CRY2: variants seen among roughly 807,000 people sequenced by gnomAD.
CRY2 encodes cryptochrome circadian regulator 2.
CRY2 carries 31 observed loss-of-function variants against 69.5 expected under a neutral mutation model. The ratio of observed to expected loss-of-function variants is 0.45; its 90% CI spans 0.34 to 0.60. The LOEUF (loss-of-function observed/expected upper bound fraction) is 0.60. Among genes scored for constraint, CRY2 ranks in the 20% least tolerant of loss-of-function variants. CRY2 has a pLI of 0.02. For missense variants in CRY2, 606 were observed against 797.8 expected, an observed-to-expected ratio of 0.76 and a Z score of 2.90; for synonymous variants, 303 against 312.2, an observed-to-expected ratio of 0.97 and a Z score of 0.31.
At chr11:45,853,675 T>C (rs1374737307) in intron 1 of CRY2, among the ~76,000 whole-genome samples, 3 of 152,174 alleles carry the variant, frequency 2.0e-5, no homozygotes, top group East Asian at 3.8e-4. Flanking sequence ...GAAATTTAAA[T>C]CACTGCTCCT....
chr11:45,878,920 TAAAAAAAAAAAAAAAA>T (rs57461093), intron 11 of CRY2, among the ~76,000 whole-genome samples: 2 of 49,362 alleles, frequency 4.1e-5, no homozygotes, highest in African/African-American at 2.2e-4. Context: ...CTCCATCTAT[TAAAAAAAAAAAAAAAA>T]AAAAAAAAAA....
intron 5 of CRY2, among the ~76,000 whole-genome samples, chr11:45,867,202 G>A (rs750891205): frequency 5.3e-5 from 8 of 152,166 alleles, no homozygotes; most frequent in Non-Finnish European, 7.3e-5. Flanking sequence ...CCTCAGGGCC[G>A]CTAGTGACTA....
In CRY2 at chr11:45,882,763, G is replaced by C. The variant is rs1047986452; in HGVS notation, c.*1852G>C. On this transcript the variant is annotated 3_prime_UTR_variant, in exon 12 of 12. Coordinates refer to ENST00000616080, the MANE Select transcript of CRY2 (RefSeq NM_021117.5). The stretch of plus-strand genomic sequence containing the variant: ...CAAGCAAACCTGGAAGGGCAAATCT[G>C]AGAGTGGGAAGGCCAAAGGCCGAGG... 1.5e-5 allele frequency: 6 copies of C among 398,562 alleles called. No homozygotes were observed. Among genetic ancestry groups the C allele is most frequent in the Admixed American group, 4.4e-5 (1 of 22,722 alleles). 24.7% of individuals were successfully genotyped at this position (398,562 alleles called of 1,614,324 possible).
Position 45,882,787 on chromosome 11 carries a change from G to A in CRY2, c.*1876G>A. On this transcript the variant is annotated 3_prime_UTR_variant, in exon 12 of 12. Coordinates refer to ENST00000616080, the MANE Select transcript of CRY2 (RefSeq NM_021117.5). The stretch of plus-strand genomic sequence containing the variant: ...TGAGAGTGGGAAGGCCAAAGGCCGA[G>A]GCCCAGATTTAGTATTCACTAGCAG... 9 of 398,636 alleles carry A rather than the reference G, an allele frequency of 2.3e-5. No homozygotes were observed. In the East Asian group the frequency reaches 3.2e-4, roughly 14 times the overall value. 24.7% of individuals were successfully genotyped at this position (398,636 alleles called of 1,614,324 possible). A position where few individuals can be genotyped will look rare whatever the true frequency, so the allele number is the denominator to read the frequency against.
intron 10 of CRY2, 64 bp from the exon 11 acceptor site, chr11:45,872,028 A>G (rs969704252): frequency 5.0e-6 from 8 of 1,592,608 alleles, no homozygotes; most frequent in African/African-American, 1.3e-5. Context: ...CTGCTGCTGC[A>G]TAGTGTGGGA....
Position 45,869,676 on chromosome 11 carries a change from G to A in CRY2, c.1053G>A (p.Glu351=), listed in dbSNP as rs752301878. Residue 351 remains glutamate (E), a synonymous_variant, in exon 7 of 12, where the codon GAG becomes GAA. Transcript: ENST00000616080. The part of the protein sequence containing the change: ...RNPEALAKWA[E]GKTGFPWIDA... ...CTGAGGCCCTGGCCAAGTGGGCTGAGGGCAAGACAGGCTTCCCTTGGATTG... is the reference window on the plus strand; with the variant it reads ...CTGAGGCCCTGGCCAAGTGGGCTGAAGGCAAGACAGGCTTCCCTTGGATTG... 4.3e-6 allele frequency: 7 copies of A among 1,614,242 alleles called. No individual in the cohort carries two copies. The highest frequency in any genetic ancestry group is 1.6e-4 in the Middle Eastern group (1 of 6,062).
chr11:45,859,770 C>CCTG (rs937484005), intron 3 of CRY2, among the ~76,000 whole-genome samples: 2 of 151,904 alleles, frequency 1.3e-5, no homozygotes, highest in African/African-American at 4.8e-5. Context: ...CTGTCACCCT[C>CCTG]CTGCTGCTGC....
In CRY2 at chr11:45,865,952, G is replaced by C. The variant is rs114031384; in HGVS notation, c.742-1660G>C. 6.1e-3 allele frequency among the ~76,000 whole-genome samples: 928 copies of C among 152,352 alleles called. 13 individuals carry two copies. Among genetic ancestry groups the C allele is most frequent in the Middle Eastern group, 0.02 (6 of 294 alleles). On this transcript the variant is annotated intron_variant, in intron 5 of 11. Transcript: ENST00000616080. ...TGGACGCAGGGAGGCCAGTCAGGAG[G>C]CTGCCACAGTTGTCCAGTCTAGATA...
At chr11:45,858,637 A>ACTAG (rs1360892250) in intron 2 of CRY2, 94 bp from the exon 3 acceptor site, 11 of 1,362,026 alleles carry the variant, frequency 8.1e-6, no homozygotes, top group Non-Finnish European at 1.1e-5. Flanking sequence ...AGGTCTCTAG[A>ACTAG]CTAGCTCTGT....
chr11:45,860,184 T>C (rs1378809240), intron 3 of CRY2, among the ~76,000 whole-genome samples: 1 of 152,118 alleles, frequency 6.6e-6, no homozygotes, highest in Non-Finnish European at 1.5e-5. Context: ...AGTTATGTTT[T>C]CCCTGGTCAT....
Position 45,847,699 on chromosome 11 carries a change from GA to G in CRY2, c.210del (p.Trp71GlyfsTer15). ...FAASSSVGIN[R>X]WRFLLQSLED... ...GCCTCCTCCTCAGTCGGGATCAACC[GA>G]TGGAGGTGAGGGGACCCGGGGCTGG... On this transcript the variant is annotated frameshift_variant, in exon 1 of 12. Coordinates refer to ENST00000616080, the MANE Select transcript of CRY2 (RefSeq NM_021117.5). LOFTEE classifies it high-confidence loss of function. 1 of 1,568,104 alleles carries G rather than the reference GA, an allele frequency of 6.4e-7. No individual in the cohort carries two copies.
Position 45,870,190 on chromosome 11 carries a change from T to C in CRY2, c.1332T>C (p.Ser444=), listed in dbSNP as rs2086366194. ...PVGFGRRTDP[S]GDYIRRYLPK... is the part of the protein sequence containing the mutation. ...GCTTTGGCCGTCGCACGGACCCCAG[T>C]GGGGACTACATCAGGTGAGGATACA... Residue 444 remains serine (S), a synonymous_variant, in exon 8 of 12, where the codon AGT becomes AGC. Coordinates refer to ENST00000616080, the MANE Select transcript of CRY2 (RefSeq NM_021117.5). 1 of 1,612,726 alleles carries C rather than the reference T, an allele frequency of 6.2e-7. No individual in the cohort carries two copies. The highest frequency in any genetic ancestry group is 8.5e-7 in the Non-Finnish European group (1 of 1,179,418).
chr11:45,855,834 C>G, intron 1 of CRY2, 148 bp from the exon 2 acceptor site: 1 of 724,206 alleles, frequency 1.4e-6, no homozygotes, highest in Non-Finnish European at 2.5e-6. Context: ...CACATCCCTC[C>G]TGGGCTGGAA....
intron 6 of CRY2, among the ~76,000 whole-genome samples, chr11:45,869,206 G>A (rs2086354618): frequency 2.6e-5 from 4 of 152,240 alleles, no homozygotes; most frequent in Admixed American, 2.6e-4. Flanking sequence ...TTGAGGACAA[G>A]GAACATGACC....
intron 5 of CRY2, among the ~76,000 whole-genome samples, chr11:45,864,477 G>A (rs1047883193): frequency 2.4e-4 from 36 of 151,958 alleles, no homozygotes; most frequent in Admixed American, 1.2e-3. Flanking sequence ...CAAATTAGCC[G>A]GGTGTGGCAG....
upstream of CRY2, chr11:45,847,250 A>C (rs551820234): frequency 5.9e-5 from 91 of 1,551,340 alleles, no homozygotes; most frequent in Non-Finnish European, 7.8e-5. Context: ...ACTTGTCCGC[A>C]TGCCAGCTCC....
At chr11:45,852,327 G>T (rs2086204263) in intron 1 of CRY2, among the ~76,000 whole-genome samples, 1 of 152,196 alleles carries the variant, frequency 6.6e-6, no homozygotes, top group African/African-American at 2.4e-5. Context: ...CCTCATTGGA[G>T]TAAAGAGAAA....
chr11:45,848,095 G>A (rs2086166952), intron 1 of CRY2, among the ~76,000 whole-genome samples: 1 of 152,162 alleles, frequency 6.6e-6, no homozygotes, highest in South Asian at 2.1e-4. Flanking sequence ...AGATAACGTA[G>A]TGTGAGGGCG....
At chr11:45,865,312 T>C (rs960766819) in intron 5 of CRY2, among the ~76,000 whole-genome samples, 1 of 152,186 alleles carries the variant, frequency 6.6e-6, no homozygotes, top group Non-Finnish European at 1.5e-5. Flanking sequence ...GCACATAGAC[T>C]CTTGGGGTGG....
Sources: gnomAD v4.1 joint callset for allele counts (sites outside exome capture counted in the v4.1 genomes callset) on GRCh38, gnomAD v4.1.1 for gene constraint, MANE v1.5 for transcripts, NCBI Gene and HGNC (gene_info 2026-07-23, HGNC 2026-07-21) for gene names.